The following DPP6 variants were observed in gnomAD, a reference collection of about 807,000 sequenced individuals.
DPP6 encodes dipeptidyl peptidase like 6.
Under a neutral mutation model 122.6 loss-of-function variants are expected in DPP6, and 69 were observed. The observed-to-expected ratio is 0.56, with a 90% confidence interval of 0.46 to 0.69. The LOEUF is 0.69. Ranked by LOEUF, DPP6 falls within the 30% of genes least tolerant of loss-of-function variation. The pLI is 0.00. For synonymous variants in DPP6, 418 were observed against 433.1 expected (o/e 0.97, Z 0.43); for missense variants, 928 against 1,116.9 (o/e 0.83, Z 2.41).
chr7:154,572,295 A>G (rs2130574128), intron 5 of DPP6, among the ~76,000 whole-genome samples: 1 of 152,156 alleles, frequency 6.6e-6, no homozygotes, highest in East Asian at 1.9e-4. Context: ...GGTGAGGTGA[A>G]CCCCAACTAT....
intron 1 of DPP6, among the ~76,000 whole-genome samples, chr7:154,219,516 G>A (rs540945181): frequency 1.2e-3 from 188 of 152,104 alleles, no homozygotes; most frequent in Non-Finnish European, 2.2e-3. Flanking sequence ...CCATTGAAGA[G>A]TTTTTTGTTT....
the DPP6 span, among the ~76,000 whole-genome samples, chr7:153,872,019 A>T: frequency 1.3e-5 from 2 of 152,298 alleles, no homozygotes; most frequent in East Asian, 3.9e-4. Flanking sequence ...ATCCACATTA[A>T]CAGTACTAAT....
chr7:154,297,063 G>GTTTTTTTTTT (rs34506058), intron 1 of DPP6, among the ~76,000 whole-genome samples: 3 of 125,258 alleles, frequency 2.4e-5, no homozygotes, highest in Non-Finnish European at 3.2e-5. Flanking sequence ...AATGTATTCT[G>GTTTTTTTTTT]TTTTTTTTTT....
intron 1 of DPP6, among the ~76,000 whole-genome samples, chr7:153,981,598 G>T (rs1429216369): frequency 1.3e-5 from 2 of 152,174 alleles, no homozygotes; most frequent in East Asian, 1.9e-4. Flanking sequence ...ATGGTAGCTG[G>T]TTACTTTGCT....
chr7:154,311,301 T>C (rs1806857427), intron 1 of DPP6, among the ~76,000 whole-genome samples: 1 of 152,040 alleles, frequency 6.6e-6, no homozygotes, highest in South Asian at 2.1e-4. Context: ...AACACCAGCC[T>C]GGGCAACATG....
chr7:154,685,133 T>C (rs1032363558), intron 7 of DPP6, among the ~76,000 whole-genome samples: 2 of 152,242 alleles, frequency 1.3e-5, no homozygotes, highest in African/African-American at 4.8e-5. Flanking sequence ...TAAATCTGTG[T>C]TGTAACAGAG....
chr7:154,812,113 A>T (rs944017258), intron 16 of DPP6, among the ~76,000 whole-genome samples: 1 of 152,216 alleles, frequency 6.6e-6, no homozygotes, highest in Admixed American at 6.5e-5. Flanking sequence ...AAAGGATTTA[A>T]CAACTAGGAC....
At chr7:153,784,926 C>G in the DPP6 span, among the ~76,000 whole-genome samples, 1 of 152,074 alleles carries the variant, frequency 6.6e-6, no homozygotes, top group Admixed American at 6.6e-5. Context: ...GCAAAATAAC[C>G]TCTTTTGTAG....
At position 154,037,230 on chromosome 7, in the gene DPP6, C is replaced by G. The variant is rs2533777; in HGVS notation, c.51+149496C>G. ...GAGGAGAGAGCCAGCTTTGACCCTG[C>G]GAGGCACATGGGAGAAAAGAGTTCA... On this transcript the variant is annotated intron_variant, in intron 1 of 25. Coordinates refer to the DPP6 transcript ENST00000404039. Among the ~76,000 whole-genome samples the G allele has an allele frequency of 2.5e-4, 38 of 152,228 alleles. No homozygotes were observed. In the South Asian group the frequency reaches 2.9e-3, roughly 12 times the overall value.
chr7:154,401,132 G>C (rs1342610919), intron 1 of DPP6, among the ~76,000 whole-genome samples: 2 of 151,976 alleles, frequency 1.3e-5, no homozygotes, highest in African/African-American at 4.8e-5. Flanking sequence ...GGGAGGTGTA[G>C]GGTGCAGTGA....
chr7:154,052,819 C>A lies in DPP6; in HGVS notation c.-2C>A. The A allele has an allele frequency of 6.6e-7, 1 of 1,523,712 alleles. No homozygotes were observed. Among genetic ancestry groups the A allele is most frequent in the South Asian group, 1.2e-5 (1 of 83,870 alleles). 94.4% of individuals were successfully genotyped at this position (1,523,712 alleles called of 1,614,324 possible). A position where few individuals can be genotyped will look rare whatever the true frequency, so the allele number is the denominator to read the frequency against. On this transcript the variant is annotated 5_prime_UTR_variant, in exon 1 of 26. Transcript: ENST00000377770. This position sits in a 1 kb window ranked among gnomAD's most constrained non-coding sequence, Gnocchi z 4.8. Reference sequence around the variant, plus strand: ...AGACAGCCAGCAGGAGCGCGGTGCCCGATGGCTTCGCTGTACCAGAGGTTC... The same window carrying A: ...AGACAGCCAGCAGGAGCGCGGTGCCAGATGGCTTCGCTGTACCAGAGGTTC...
chr7:154,730,258 C>T (rs1374179216), intron 8 of DPP6, among the ~76,000 whole-genome samples: 2 of 152,152 alleles, frequency 1.3e-5, no homozygotes, highest in African/African-American at 4.8e-5. Flanking sequence ...GAAGGGAACC[C>T]AGGGGCTGGA....
intron 1 of DPP6, among the ~76,000 whole-genome samples, chr7:154,148,753 A>G (rs1381747709): frequency 6.6e-6 from 1 of 152,282 alleles, no homozygotes; most frequent in Non-Finnish European, 1.5e-5. Context: ...AAATGCTTCC[A>G]AAATGCCTCA....
the DPP6 span, among the ~76,000 whole-genome samples, chr7:153,752,760 T>C: frequency 7.5e-6 from 1 of 133,832 alleles, no homozygotes; most frequent in African/African-American, 3.0e-5. Context: ...TGTGAGAAGA[T>C]CATTGAAGTT....
chr7:154,766,884 G>C (rs1321979404), intron 8 of DPP6, among the ~76,000 whole-genome samples: 1 of 152,170 alleles, frequency 6.6e-6, no homozygotes, highest in Non-Finnish European at 1.5e-5. Context: ...AAACAACCCT[G>C]GGTGGAAATG....
At chr7:154,772,238 C>G (rs957605277) in intron 9 of DPP6, among the ~76,000 whole-genome samples, 1 of 152,178 alleles carries the variant, frequency 6.6e-6, no homozygotes, top group African/African-American at 2.4e-5. Flanking sequence ...GGCAAGCCTG[C>G]CTGACATGCC....
intron 8 of DPP6, among the ~76,000 whole-genome samples, chr7:154,749,743 G>C (rs113011963): frequency 2.2e-5 from 1 of 45,640 alleles, no homozygotes; most frequent in Non-Finnish European, 4.5e-5. Flanking sequence ...AGCATAGGAC[G>C]GGAAAGAGAG....
At chr7:154,526,118 T>C (rs1224150302) in intron 3 of DPP6, among the ~76,000 whole-genome samples, 1 of 152,256 alleles carries the variant, frequency 6.6e-6, no homozygotes. Context: ...TGCTACAATA[T>C]AAGCCTGCAT....
At chr7:154,245,100 A>G (rs1048765744) in intron 1 of DPP6, among the ~76,000 whole-genome samples, 4 of 151,390 alleles carry the variant, frequency 2.6e-5, no homozygotes, top group Non-Finnish European at 4.4e-5. Context: ...ACAGGCATGC[A>G]CCACCATGCC....
Sources: gnomAD v4.1 joint callset for allele counts (sites outside exome capture counted in the v4.1 genomes callset) on GRCh38, gnomAD v4.1.1 for gene constraint, Gnocchi (gnomAD v3.1) non-coding constraint, MANE v1.5 for transcripts, NCBI Gene and HGNC (gene_info 2026-07-23, HGNC 2026-07-21) for gene names.